The following NPFFR2 variants were observed in gnomAD, a reference collection of about 807,000 sequenced individuals.
NPFFR2 encodes the protein G-protein coupled receptor 74.
A neutral mutation model predicts 13.1 loss-of-function variants in NPFFR2; 15 were observed. The ratio of observed to expected loss-of-function variants is 1.15; its 90% CI spans 0.77 to 1.76. The LOEUF (loss-of-function observed/expected upper bound fraction) is 1.76. NPFFR2 is among the 40% of genes most tolerant of loss of function. The pLI, the probability that NPFFR2 is intolerant of heterozygous loss-of-function variation, is 0.00. For synonymous variants in NPFFR2, 190 were observed against 175.7 expected, an observed-to-expected ratio of 1.08 and a Z score of -0.65; for missense variants, 572 against 503.5, an observed-to-expected ratio of 1.14 and a Z score of -1.30.
chr4:72,073,221 C>T (rs10022031), intron 1 of NPFFR2, among the ~76,000 whole-genome samples: 136,796 of 152,012 alleles, frequency 0.9, 62,495 homozygotes, highest in Non-Finnish European at 0.98. Context: ...TTTGTAACAC[C>T]AAGAATAAGT....
At position 72,090,740 on chromosome 4, in the gene NPFFR2, G is replaced by A. The variant is rs567287696; in HGVS notation, c.-7-37845G>A. Among the ~76,000 whole-genome samples the A allele has an allele frequency of 2.0e-5, 3 of 152,078 alleles. No individual in the cohort carries two copies. The South Asian group carries it at 6.2e-4, about 32-fold the overall frequency. On this transcript the variant is annotated intron_variant, in intron 1 of 3. Coordinates refer to ENST00000308744, the MANE Select transcript of NPFFR2 (RefSeq NM_004885.3). ...AGAAGCTTTATGGATGAATCTTTAC[G>A]GTTTTTTAGGTACACGATCATATCA...
At chr4:72,063,638 A>G (rs993919612) in intron 1 of NPFFR2, among the ~76,000 whole-genome samples, 1 of 152,188 alleles carries the variant, frequency 6.6e-6, no homozygotes, top group Non-Finnish European at 1.5e-5. Context: ...TCTTTTCAGT[A>G]TTGCTTGAGA....
intron 1 of NPFFR2, among the ~76,000 whole-genome samples, chr4:72,100,613 A>G (rs1397169339): frequency 6.6e-6 from 1 of 152,074 alleles, no homozygotes; most frequent in African/African-American, 2.4e-5. Context: ...AGGACTTATC[A>G]GAGCAACTTC....
At chr4:72,087,605 G>A (rs1720805293) in intron 1 of NPFFR2, among the ~76,000 whole-genome samples, 1 of 152,016 alleles carries the variant, frequency 6.6e-6, no homozygotes, top group Non-Finnish European at 1.5e-5. Flanking sequence ...ATAGGATGGG[G>A]AAGGAAAGAA....
intron 1 of NPFFR2, among the ~76,000 whole-genome samples, chr4:72,077,441 A>T (rs1054407926): frequency 6.6e-6 from 1 of 152,148 alleles, no homozygotes; most frequent in Non-Finnish European, 1.5e-5. Flanking sequence ...AACCATCCTC[A>T]TACACTGACA....
chr4:72,061,387 T>C (rs7662519), intron 1 of NPFFR2, among the ~76,000 whole-genome samples: 135,705 of 152,186 alleles, frequency 0.89, 61,607 homozygotes, highest in Non-Finnish European at 0.98. Flanking sequence ...GAGACTGTGC[T>C]AATCTATCAC....
chr4:72,119,771 T>C (rs1721814645), intron 1 of NPFFR2, among the ~76,000 whole-genome samples: 1 of 152,202 alleles, frequency 6.6e-6, no homozygotes, highest in South Asian at 2.1e-4. Context: ...TTTCCCATGG[T>C]CTTTGCAACC....
chr4:72,136,224 G>C (rs935786066), intron 2 of NPFFR2, among the ~76,000 whole-genome samples: 2 of 152,052 alleles, frequency 1.3e-5, no homozygotes, highest in Admixed American at 6.6e-5. Flanking sequence ...CTGGTGTGGT[G>C]GACTGCACCT....
At chr4:72,051,749 A>G (rs929190781) in intron 1 of NPFFR2, among the ~76,000 whole-genome samples, 5 of 152,166 alleles carry the variant, frequency 3.3e-5, no homozygotes, top group African/African-American at 9.6e-5. Context: ...GACTGCTAGC[A>G]AGACTAATAA....
rs1273888155 is a variant in NPFFR2 at position 72,146,985 on chromosome 4, T to C, written c.436T>C (p.Cys146Arg). The C allele has an allele frequency of 1.2e-6, 2 of 1,606,518 alleles. No homozygotes were observed. The highest frequency in any genetic ancestry group is 1.7e-5 in the Admixed American group (1 of 59,584). ...LVAIAVDRFQ[C>R]VVYPFKPKLT... ...ATTTGTGTTTAATTGCAGGTTCCAG[T>C]GTGTGGTCTACCCTTTTAAACCAAA... Residue 146 changes from cysteine (C) to arginine (R), a missense_variant, in exon 4 of 4, where the codon TGT becomes CGT. By Grantham distance (180) the Cys-to-Arg change is radical. Transcript: ENST00000308744.
chr4:72,137,207 A>G (rs1246124425), intron 2 of NPFFR2, among the ~76,000 whole-genome samples: 1 of 152,202 alleles, frequency 6.6e-6, no homozygotes, highest in Non-Finnish European at 1.5e-5. Context: ...CTTTATGTGT[A>G]AGAATATTTT....
At chr4:72,053,050 A>G (rs1347929885) in intron 1 of NPFFR2, among the ~76,000 whole-genome samples, 1 of 151,736 alleles carries the variant, frequency 6.6e-6, no homozygotes, top group Non-Finnish European at 1.5e-5. Flanking sequence ...TCCCTAAAAT[A>G]TATAAAACCA....
At chr4:72,138,219 A>C (rs1451988765) in intron 3 of NPFFR2, 80 bp downstream of exon 3, 5 of 833,408 alleles carry the variant, frequency 6.0e-6, no homozygotes, top group Non-Finnish European at 1.0e-5. Context: ...TAACCTACTA[A>C]ATTTGGACAT....
At chr4:72,120,425 T>C (rs1721834254) in intron 1 of NPFFR2, among the ~76,000 whole-genome samples, 1 of 152,148 alleles carries the variant, frequency 6.6e-6, no homozygotes. Flanking sequence ...GACTGCCTCC[T>C]CAAGTGGGTC....
intron 1 of NPFFR2, among the ~76,000 whole-genome samples, chr4:72,040,540 A>G (rs1238382470): frequency 6.6e-6 from 1 of 152,074 alleles, no homozygotes; most frequent in Non-Finnish European, 1.5e-5. Context: ...GCCATAGATT[A>G]TTTTTCTGAT....
chr4:72,088,927 T>C (rs1209190787), intron 1 of NPFFR2, among the ~76,000 whole-genome samples: 1 of 152,028 alleles, frequency 6.6e-6, no homozygotes. Flanking sequence ...GGTGCACTCA[T>C]CACTTGAGCA....
rs1265988395 is a variant in NPFFR2 at position 72,127,186 on chromosome 4, C to G, written c.-7-1399C>G. ...GGGCGTGGTGGCGGGTGCCTGTAGTCCCAGCTACTCGGGAGGGTGAGGCGG... is the reference window on the plus strand; with the variant it reads ...GGGCGTGGTGGCGGGTGCCTGTAGTGCCAGCTACTCGGGAGGGTGAGGCGG... On this transcript the variant is annotated intron_variant, in intron 1 of 3. Coordinates refer to ENST00000308744, the MANE Select transcript of NPFFR2 (RefSeq NM_004885.3). Among the ~76,000 whole-genome samples the G allele has an allele frequency of 3.4e-5, 5 of 149,008 alleles. No individual in the cohort carries two copies. In the East Asian group the frequency reaches 1.0e-3, roughly 31 times the overall value.
At chr4:72,124,726 G>A (rs1266059261) in intron 1 of NPFFR2, among the ~76,000 whole-genome samples, 2 of 152,168 alleles carry the variant, frequency 1.3e-5, no homozygotes, top group Non-Finnish European at 2.9e-5. Context: ...GCCATATGTA[G>A]AAGGCTGAAA....
intron 1 of NPFFR2, among the ~76,000 whole-genome samples, chr4:72,067,521 G>T (rs1385669770): frequency 6.6e-6 from 1 of 152,092 alleles, no homozygotes; most frequent in Non-Finnish European, 1.5e-5. Context: ...TATACCGTTG[G>T]TTTTCTCTCC....
Sources: gnomAD v4.1 joint callset for allele counts (sites outside exome capture counted in the v4.1 genomes callset) on GRCh38, gnomAD v4.1.1 for gene constraint, MANE v1.5 for transcripts, NCBI Gene and HGNC (gene_info 2026-07-23, HGNC 2026-07-21) for gene names.